Variants in MARCHF1 observed in about 807,000 individuals in gnomAD.
The protein encoded by MARCHF1 is membrane associated ring-CH-type finger 1.
MARCHF1 carries 40 observed loss-of-function variants against 54.2 expected under a neutral mutation model. That is an observed-to-expected ratio of 0.74 (90% CI 0.57 to 0.96). MARCHF1 has a LOEUF of 0.96. Among genes scored for constraint, MARCHF1 ranks in the 40% least tolerant of loss-of-function variants. The pLI is 0.00. For synonymous variants in MARCHF1, 236 were observed against 236.3 expected, an observed-to-expected ratio of 1.00 and a Z score of 0.01; for missense variants, 586 against 656.5, an observed-to-expected ratio of 0.89 and a Z score of 1.17.
chr4:164,348,888 C>A (rs1730197089), intron 1 of MARCHF1, among the ~76,000 whole-genome samples: 1 of 152,080 alleles, frequency 6.6e-6, no homozygotes, highest in Admixed American at 6.6e-5. Flanking sequence ...AAAGAATTAG[C>A]CAGATAAGCT....
chr4:164,152,056 A>G (rs13127349), intron 1 of MARCHF1, among the ~76,000 whole-genome samples: 6,974 of 152,256 alleles, frequency 0.046, 223 homozygotes, highest in Middle Eastern at 0.15. Context: ...TGCAGTTGCA[A>G]TATGAATAAG....
intron 1 of MARCHF1, among the ~76,000 whole-genome samples, chr4:164,173,443 T>C (rs924244523): frequency 2.0e-5 from 3 of 152,276 alleles, no homozygotes; most frequent in Non-Finnish European, 2.9e-5. Context: ...ATCAGACAAA[T>C]TGTTAGATTA....
intron 3 of MARCHF1, among the ~76,000 whole-genome samples, chr4:163,985,908 C>G (rs1752852670): frequency 6.6e-6 from 1 of 152,024 alleles, no homozygotes; most frequent in East Asian, 1.9e-4. Context: ...TTTTACTTTT[C>G]TTTAGAAAGC....
intron 3 of MARCHF1, among the ~76,000 whole-genome samples, chr4:163,937,570 T>A (rs540393042): frequency 4.0e-5 from 6 of 151,822 alleles, no homozygotes; most frequent in Non-Finnish European, 8.8e-5. Context: ...CACACACATA[T>A]AATTTTCCAT....
intron 1 of MARCHF1, among the ~76,000 whole-genome samples, chr4:164,147,662 G>T (rs1192662880): frequency 1.8e-5 from 2 of 113,926 alleles, no homozygotes; most frequent in African/African-American, 6.1e-5. Flanking sequence ...TCACACTCTG[G>T]GGCCTGTTAT....
chr4:164,182,885 T>C (rs1029469327), intron 1 of MARCHF1, among the ~76,000 whole-genome samples: 1 of 151,906 alleles, frequency 6.6e-6, no homozygotes, highest in African/African-American at 2.4e-5. Flanking sequence ...GACATAAGAC[T>C]TCTTATTTTA....
At chr4:164,042,999 G>A (rs1270603183) in intron 2 of MARCHF1, among the ~76,000 whole-genome samples, 2 of 152,238 alleles carry the variant, frequency 1.3e-5, no homozygotes, top group Admixed American at 6.5e-5. Flanking sequence ...GCCTTGGGAA[G>A]CTCTGCCTCC....
At chr4:164,129,659 G>A (rs188645827) in intron 1 of MARCHF1, among the ~76,000 whole-genome samples, 21 of 149,452 alleles carry the variant, frequency 1.4e-4, no homozygotes, top group African/African-American at 5.2e-4. Flanking sequence ...AGTGTAGATT[G>A]TTTCCCATAG....
chr4:163,636,624 T>G lies in MARCHF1; in HGVS notation c.163-23231A>C, dbSNP rs545295969. 1.9e-3 allele frequency among the ~76,000 whole-genome samples: 291 copies of G among 152,018 alleles called. 1 individual carries two copies. The highest frequency in any genetic ancestry group is 6.7e-3 in the African/African-American group (277 of 41,486). On this transcript the variant is annotated intron_variant, in intron 5 of 9. Coordinates refer to ENST00000514618, the MANE Select transcript of MARCHF1 (RefSeq NM_001394959.1). ...TACAAACAAATGGAAGAACATTCCA[T>G]GCTCATGGGTAGGAAGAATCAATAT...
intron 4 of MARCHF1, among the ~76,000 whole-genome samples, chr4:163,807,598 AATAAGT>A (rs1382553479): frequency 1.3e-5 from 2 of 152,182 alleles, no homozygotes; most frequent in Non-Finnish European, 2.9e-5. Flanking sequence ...ACATCCATTT[AATAAGT>A]ATGTTTTGCT....
chr4:164,188,547 A>G, intron 1 of MARCHF1: 1 of 741,258 alleles, frequency 1.3e-6, no homozygotes, highest in Non-Finnish European at 2.5e-6. Flanking sequence ...GCCAACAATC[A>G]GAGCAAACGC....
At chr4:164,099,267 C>A (rs1050786529) in intron 2 of MARCHF1, among the ~76,000 whole-genome samples, 1 of 152,112 alleles carries the variant, frequency 6.6e-6, no homozygotes, top group African/African-American at 2.4e-5. Context: ...ATCGTGCTAC[C>A]ATGTAAAGTT....
chr4:163,592,020 T>G (rs1740607833), intron 7 of MARCHF1, among the ~76,000 whole-genome samples: 1 of 152,128 alleles, frequency 6.6e-6, no homozygotes, highest in African/African-American at 2.4e-5. Context: ...AATTTTGGAC[T>G]GTAAACAAAA....
intron 1 of MARCHF1, among the ~76,000 whole-genome samples, chr4:164,140,921 G>T (rs1159782088): frequency 6.6e-6 from 1 of 152,148 alleles, no homozygotes; most frequent in African/African-American, 2.4e-5. Flanking sequence ...TCAAGACAGT[G>T]CTGCAGGAGG....
At chr4:163,921,698 T>C (rs1751434285) in intron 3 of MARCHF1, among the ~76,000 whole-genome samples, 1 of 152,196 alleles carries the variant, frequency 6.6e-6, no homozygotes, top group Non-Finnish European at 1.5e-5. Context: ...AATCAATTTA[T>C]GATTAATTAG....
intron 2 of MARCHF1, among the ~76,000 whole-genome samples, chr4:164,040,590 G>A (rs1208626226): frequency 1.3e-5 from 2 of 151,448 alleles, no homozygotes; most frequent in African/African-American, 2.4e-5. Context: ...AATGTGTGTT[G>A]ATGGTTAATA....
chr4:163,717,183 T>G (rs1397942070), intron 4 of MARCHF1, among the ~76,000 whole-genome samples: 1 of 136,638 alleles, frequency 7.3e-6, no homozygotes, highest in Non-Finnish European at 1.5e-5. Context: ...TGTGTGATGT[T>G]CCTCTTCCTG....
At chr4:164,350,311 T>C (rs528400416) in intron 1 of MARCHF1, among the ~76,000 whole-genome samples, 148 of 152,224 alleles carry the variant, frequency 9.7e-4, no homozygotes, top group African/African-American at 3.5e-3. Context: ...ACTGAGTTCA[T>C]TCAAGTTCAG....
At chr4:163,899,763 T>TACACACAC (rs70948674) in intron 3 of MARCHF1, among the ~76,000 whole-genome samples, 5,512 of 148,772 alleles carry the variant, frequency 0.037, 142 homozygotes, top group South Asian at 0.058. Context: ...TCTCACCCAC[T>TACACACAC]ACACACACAC....
Sources: gnomAD v4.1 joint callset for allele counts (sites outside exome capture counted in the v4.1 genomes callset) on GRCh38, gnomAD v4.1.1 for gene constraint, MANE v1.5 for transcripts, NCBI Gene and HGNC (gene_info 2026-07-23, HGNC 2026-07-21) for gene names.